The following SPTBN4 variants were observed in gnomAD, a reference collection of about 807,000 sequenced individuals.
SPTBN4 encodes the protein spectrin beta, non-erythrocytic 4, also known as spectrin beta chain, non-erythrocytic 4.
Under a neutral mutation model 277.8 loss-of-function variants are expected in SPTBN4, and 96 were observed. The observed-to-expected ratio is 0.35, with a 90% CI of 0.29 to 0.41. The LOEUF is 0.41. SPTBN4 is among the 10% of genes least tolerant of loss of function. The pLI is 1.00. For synonymous variants in SPTBN4, 1,481 were observed against 1,580.3 expected, an observed-to-expected ratio of 0.94 and a Z score of 1.49; for missense variants, 3,006 against 3,595.7, an observed-to-expected ratio of 0.84 and a Z score of 4.19.
intron 22 of SPTBN4, among the ~76,000 whole-genome samples, chr19:40,553,888 T>C (rs1265822937): frequency 6.6e-6 from 1 of 152,204 alleles, no homozygotes; most frequent in East Asian, 1.9e-4. Flanking sequence ...GTTCAAATCC[T>C]GTCACTCCTT....
At chr19:40,528,852 GTCTC>G (rs372140230) in intron 17 of SPTBN4, among the ~76,000 whole-genome samples, 185 bp from the exon 18 acceptor site, 17 of 151,196 alleles carry the variant, frequency 1.1e-4, no homozygotes, top group Non-Finnish European at 2.4e-4. Flanking sequence ...TCCTCTGTCT[GTCTC>G]TCTCTCTGCC....
chr19:40,496,107 T>C (rs1162239062), intron 6 of SPTBN4, among the ~76,000 whole-genome samples: 6 of 152,186 alleles, frequency 3.9e-5, no homozygotes, highest in Non-Finnish European at 8.8e-5. Context: ...AGTCAATGTA[T>C]CCATTCAGTG....
intron 2 of SPTBN4, among the ~76,000 whole-genome samples, chr19:40,485,362 A>C (rs1475944812): frequency 1.3e-5 from 2 of 152,064 alleles, no homozygotes; most frequent in South Asian, 2.1e-4. Context: ...GCTGGTCTCG[A>C]ACTCCTGAGC....
At chr19:40,555,494 A>C (rs2080967747) in intron 24 of SPTBN4, among the ~76,000 whole-genome samples, 1 of 150,374 alleles carries the variant, frequency 6.7e-6, no homozygotes, top group Non-Finnish European at 1.5e-5. Context: ...CGTCTCAAAA[A>C]AAAAAAAAAA....
intron 22 of SPTBN4, among the ~76,000 whole-genome samples, chr19:40,553,348 G>A (rs569677913): frequency 1.3e-5 from 2 of 152,244 alleles, no homozygotes; most frequent in African/African-American, 2.4e-5. Flanking sequence ...AGGGCATGGT[G>A]GTGCACACCT....
At chr19:40,493,187 C>T (rs765612186) in intron 5 of SPTBN4, 133 bp downstream of exon 5, 106 of 692,402 alleles carry the variant, frequency 1.5e-4, no homozygotes, top group Middle Eastern at 3.8e-4. Flanking sequence ...AACTAACCAG[C>T]TGGTAAATAA....
intron 20 of SPTBN4, among the ~76,000 whole-genome samples, chr19:40,543,004 T>C (rs1302529327): frequency 6.6e-6 from 1 of 152,144 alleles, no homozygotes; most frequent in Non-Finnish European, 1.5e-5. Context: ...TGTCTTCATT[T>C]CTGAGCACCG....
chr19:40,548,632 T>C (rs2080883049), intron 20 of SPTBN4, among the ~76,000 whole-genome samples: 1 of 151,874 alleles, frequency 6.6e-6, no homozygotes, highest in African/African-American at 2.4e-5. Context: ...GGAGAATCAC[T>C]TGAAGCCAGG....
chr19:40,477,480 T>A (rs1407980135), intron 2 of SPTBN4, among the ~76,000 whole-genome samples: 1 of 151,834 alleles, frequency 6.6e-6, no homozygotes, highest in Non-Finnish European at 1.5e-5. Flanking sequence ...GAGAGAGAGA[T>A]CCGGTTAGAC....
chr19:40,572,403 C>G lies in SPTBN4; in HGVS notation c.7536+23C>G, dbSNP rs192364478. 50 of 1,614,008 alleles carry G rather than the reference C, an allele frequency of 3.1e-5. No homozygotes were observed. The East Asian group carries it at 5.6e-4, about 18-fold the overall frequency. ...GAGGTGAGATCTGGTCCTTTCCTCC[C>G]TCTGTGTGGACCTCAGTAATGACCT... On this transcript the variant is annotated intron_variant, in intron 35 of 35. Coordinates refer to ENST00000598249, the MANE Select transcript of SPTBN4 (RefSeq NM_020971.3).
At chr19:40,533,829 T>C (rs2080704827) in intron 19 of SPTBN4, among the ~76,000 whole-genome samples, 1 of 152,092 alleles carries the variant, frequency 6.6e-6, no homozygotes, top group African/African-American at 2.4e-5. Context: ...CCCTGTATCT[T>C]TCTGTCTCCC....
intron 15 of SPTBN4, among the ~76,000 whole-genome samples, chr19:40,517,287 CTT>C (rs111288089): frequency 6.9e-6 from 1 of 145,532 alleles, no homozygotes; most frequent in African/African-American, 2.5e-5. Flanking sequence ...AGACTGTGCT[CTT>C]TTTTTTTTTT....
At chr19:40,527,980 T>TGG in intron 17 of SPTBN4, among the ~76,000 whole-genome samples, 1 of 134,134 alleles carries the variant, frequency 7.5e-6, no homozygotes, top group South Asian at 2.5e-4. Context: ...CGCTTGAACC[T>TGG]GGGGGGTGGA....
chr19:40,533,968 T>G, intron 19 of SPTBN4, 112 bp from the exon 20 acceptor site: 1 of 1,356,902 alleles, frequency 7.4e-7, no homozygotes, highest in Admixed American at 2.6e-5. Flanking sequence ...TCCCTGCCTC[T>G]GATTCTCTTT....
Position 40,575,549 on chromosome 19 carries a change from G to A in SPTBN4, c.7675G>A (p.Ala2559Thr). 2 of 1,611,140 alleles carry A rather than the reference G, an allele frequency of 1.2e-6. No individual in the cohort carries two copies. Among genetic ancestry groups the A allele is most frequent in the Non-Finnish European group, 1.7e-6 (2 of 1,179,174 alleles). Residue 2559 changes from alanine to threonine, a missense_variant, in exon 36 of 36, where the codon GCC (alanine) becomes ACC (threonine). By Grantham distance (58) the Ala-to-Thr change is moderately conservative. This residue lies in a region of SPTBN4 where 630 missense variants were observed against 677.6 expected (regional missense o/e 0.93). Transcript: ENST00000598249. ...TAAGAGGGAAGGCGGAGATCGCAGGGCCAGCGGGCGCAGGAAGTGACTTCC... is the reference window on the plus strand; with the variant it reads ...TAAGAGGGAAGGCGGAGATCGCAGGACCAGCGGGCGCAGGAAGTGACTTCC... ...NPKREGGDRR[A>T]SGRRK
intron 31 of SPTBN4, among the ~76,000 whole-genome samples, chr19:40,568,537 C>T (rs1392280611): frequency 6.6e-6 from 1 of 152,202 alleles, no homozygotes; most frequent in African/African-American, 2.4e-5. Context: ...TTCTCGGCCC[C>T]TGGGTTGTGA....
At chr19:40,532,554 C>T (rs1287367144) in intron 18 of SPTBN4, 71 bp from the exon 19 acceptor site, 10 of 1,549,302 alleles carry the variant, frequency 6.5e-6, no homozygotes, top group Non-Finnish European at 7.9e-6. Flanking sequence ...GAACCTGGGA[C>T]TTCCTGAAGG....
chr19:40,565,214 G>A (rs1359463248), intron 27 of SPTBN4, among the ~76,000 whole-genome samples: 1 of 151,648 alleles, frequency 6.6e-6, no homozygotes, highest in Admixed American at 6.6e-5. Context: ...GCAGTGAGCC[G>A]AGATCGCCCC....
chr19:40,531,803 G>A (rs545876067), intron 18 of SPTBN4, among the ~76,000 whole-genome samples: 27 of 152,094 alleles, frequency 1.8e-4, no homozygotes, highest in East Asian at 1.9e-4. Flanking sequence ...TGGGAGGTCC[G>A]ATCTGATCCA....
Sources: gnomAD v4.1 joint callset for allele counts (sites outside exome capture counted in the v4.1 genomes callset) on GRCh38, gnomAD v4.1.1 for gene constraint, gnomAD v4.1.1 regional missense constraint, MANE v1.5 for transcripts, NCBI Gene and HGNC (gene_info 2026-07-23, HGNC 2026-07-21) for gene names.